The following ADAMTSL3 variants were observed in gnomAD, a reference collection of about 807,000 sequenced individuals.
ADAMTSL3 encodes the protein ADAMTS-like protein 3.
In ADAMTSL3, 128 loss-of-function variants were observed where a neutral mutation model predicts 201.7. The observed-to-expected ratio is 0.63, with a 90% CI of 0.55 to 0.73. The LOEUF is 0.73. ADAMTSL3 is among the 30% of genes least tolerant of loss of function. The pLI, the probability that ADAMTSL3 is intolerant of heterozygous loss-of-function variation, is 0.00. For missense variants in ADAMTSL3, 1,990 were observed against 2,119.6 expected (o/e 0.94, Z 1.20); for synonymous variants, 738 against 748.4 (o/e 0.99, Z 0.23).
chr15:83,722,904 A>T (rs1326828616), intron 3 of ADAMTSL3, among the ~76,000 whole-genome samples: 1 of 152,300 alleles, frequency 6.6e-6, no homozygotes, highest in East Asian at 1.9e-4. Context: ...CCATAAAAAC[A>T]TAAAAATACC....
chr15:83,779,101 C>G (rs1373732543), intron 4 of ADAMTSL3, among the ~76,000 whole-genome samples: 1 of 152,150 alleles, frequency 6.6e-6, no homozygotes, highest in Admixed American at 6.5e-5. Context: ...CAGCAGCACC[C>G]AAATTCATAA....
intron 3 of ADAMTSL3, among the ~76,000 whole-genome samples, chr15:83,707,131 G>C (rs1020368578): frequency 6.6e-6 from 1 of 152,146 alleles, no homozygotes; most frequent in African/African-American, 2.4e-5. Flanking sequence ...ACTGCTTTGG[G>C]TTTGAATTTG....
At chr15:83,986,110 A>G (rs1208606744) in intron 21 of ADAMTSL3, among the ~76,000 whole-genome samples, 2 of 152,162 alleles carry the variant, frequency 1.3e-5, no homozygotes, top group East Asian at 3.8e-4. Context: ...ACCGTTTTTA[A>G]AAAGGCTAAT....
At chr15:83,747,734 GT>G (rs1250001797) in intron 3 of ADAMTSL3, among the ~76,000 whole-genome samples, 3 of 152,106 alleles carry the variant, frequency 2.0e-5, no homozygotes, top group Non-Finnish European at 4.4e-5. Flanking sequence ...CTGTGGTGCA[GT>G]TTTGTTTTAA....
intron 9 of ADAMTSL3, among the ~76,000 whole-genome samples, chr15:83,884,401 A>C (rs2065347680): frequency 1.5e-5 from 2 of 133,814 alleles, no homozygotes; most frequent in South Asian, 4.6e-4. Context: ...CAGCCTCCTG[A>C]GTAGCTGGGA....
chr15:83,658,400 C>T (rs1173464501), intron 2 of ADAMTSL3, among the ~76,000 whole-genome samples: 3 of 152,210 alleles, frequency 2.0e-5, no homozygotes, highest in Admixed American at 6.5e-5. Context: ...TGAGCCACTG[C>T]GCCCGTCCAC....
rs547014483 is a variant in ADAMTSL3, at chr15:83,840,995, C to A, written c.727+2780C>A. On this transcript the variant is annotated intron_variant, in intron 7 of 29. Transcript: ENST00000286744. The stretch of plus-strand genomic sequence containing the variant: ...GGACATTGAGATGTTACATCCACAT[C>A]CCAGATAATAAGGAAGAACATAGTG... Among the ~76,000 whole-genome samples, 4 of 152,122 alleles carry A rather than the reference C, an allele frequency of 2.6e-5. No individual in the cohort carries two copies. The East Asian group carries it at 7.7e-4, about 29-fold the overall frequency.
intron 10 of ADAMTSL3, 47 bp downstream of exon 10, chr15:83,885,259 T>A (rs927891493): frequency 6.9e-7 from 1 of 1,440,344 alleles, no homozygotes; most frequent in African/African-American, 1.4e-5. Context: ...CAGAGTTAGA[T>A]AAATTAGACA....
intron 7 of ADAMTSL3, among the ~76,000 whole-genome samples, chr15:83,842,470 C>T (rs2064402359): frequency 4.6e-5 from 7 of 152,236 alleles, no homozygotes; most frequent in Admixed American, 4.6e-4. Context: ...CATGCTCCCC[C>T]TAGGGGCTTG....
chr15:83,684,237 C>T (rs2061510121), intron 2 of ADAMTSL3, among the ~76,000 whole-genome samples: 1 of 152,268 alleles, frequency 6.6e-6, no homozygotes, highest in Admixed American at 6.5e-5. Context: ...TACCACTTCC[C>T]AGTTTGCAAA....
At position 83,873,114 on chromosome 15, in the gene ADAMTSL3, G is replaced by A. The variant is rs1268425760; in HGVS notation, c.960+2155G>A. 1.4e-5 allele frequency among the ~76,000 whole-genome samples: 2 copies of A among 144,658 alleles called. 1 individual carries two copies. Among genetic ancestry groups the A allele is most frequent in the African/African-American group, 5.3e-5 (2 of 37,702 alleles). The allele number at this position is 144,658 out of a possible 152,430, so 94.9% of individuals were successfully genotyped here. On this transcript the variant is annotated intron_variant, in intron 9 of 29. Transcript: ENST00000286744. The stretch of plus-strand genomic sequence containing the variant: ...GAGGTCAGGAGTTCTAGACCAGCCT[G>A]TCCAACATGATGAAACCTCATCTCT...
chr15:83,828,787 A>G (rs545000368), intron 6 of ADAMTSL3, among the ~76,000 whole-genome samples: 151 of 152,176 alleles, frequency 9.9e-4, no homozygotes, highest in Non-Finnish European at 1.5e-3. Flanking sequence ...AGATAATCAT[A>G]TGGTTTTTGT....
chr15:83,714,925 C>G (rs993446716), intron 3 of ADAMTSL3, among the ~76,000 whole-genome samples: 1 of 88,958 alleles, frequency 1.1e-5, no homozygotes, highest in Non-Finnish European at 2.1e-5. Flanking sequence ...TTCCTTCCTT[C>G]CTTCCTTCCT....
chr15:84,028,408 C>T (rs1358470428), intron 27 of ADAMTSL3, among the ~76,000 whole-genome samples: 1 of 152,060 alleles, frequency 6.6e-6, no homozygotes, highest in Non-Finnish European at 1.5e-5. Context: ...GCAAGTAGAA[C>T]TATCATGACA....
chr15:83,774,273 T>A (rs1276060307), intron 4 of ADAMTSL3, among the ~76,000 whole-genome samples: 1 of 152,348 alleles, frequency 6.6e-6, no homozygotes, highest in East Asian at 1.9e-4. Flanking sequence ...GCTAGTCTTG[T>A]ACAAAAGAAG....
At chr15:84,027,757 G>T (rs1156910983) in intron 27 of ADAMTSL3, among the ~76,000 whole-genome samples, 1 of 151,900 alleles carries the variant, frequency 6.6e-6, no homozygotes, top group Non-Finnish European at 1.5e-5. Context: ...ACAAAAACTT[G>T]TACATGAATA....
intron 17 of ADAMTSL3, among the ~76,000 whole-genome samples, chr15:83,924,302 A>G (rs902853755): frequency 6.6e-6 from 1 of 152,194 alleles, no homozygotes; most frequent in African/African-American, 2.4e-5. Context: ...CCATAAAACC[A>G]TGAGATCAGT....
intron 9 of ADAMTSL3, among the ~76,000 whole-genome samples, chr15:83,871,313 A>T (rs906345269): frequency 3.9e-5 from 6 of 152,132 alleles, no homozygotes; most frequent in Non-Finnish European, 8.8e-5. Flanking sequence ...ATAGCCTTGA[A>T]TTCCTGGGCC....
intron 27 of ADAMTSL3, 64 bp from the exon 28 acceptor site, chr15:84,031,271 T>A (rs1021852868): frequency 2.2e-5 from 33 of 1,507,358 alleles, no homozygotes; most frequent in Non-Finnish European, 3.0e-5. Flanking sequence ...CAGTACATGA[T>A]CTTAGTACAC....
Sources: allele counts gnomAD v4.1 joint callset (sites outside exome capture counted in the v4.1 genomes callset), GRCh38; gene constraint gnomAD v4.1.1; transcripts MANE v1.5; gene names NCBI Gene and HGNC (gene_info 2026-07-23, HGNC 2026-07-21).